Variants in BRAF observed in about 807,000 individuals in gnomAD.
BRAF encodes the protein B-Raf proto-oncogene, serine/threonine kinase, also known as serine/threonine-protein kinase B-raf.
Under a neutral mutation model 104.6 loss-of-function variants are expected in BRAF, and 16 were observed. That is an observed-to-expected ratio of 0.15 (90% CI 0.10 to 0.23). The LOEUF (loss-of-function observed/expected upper bound fraction) is 0.23, where lower values mean the gene tolerates loss of function less well. Ranked by LOEUF, BRAF falls within the 10% of genes least tolerant of loss-of-function variation. BRAF has a pLI of 1.00. For synonymous variants in BRAF, 310 were observed against 341.6 expected (o/e 0.91, Z 1.02); for missense variants, 541 against 937.3 (o/e 0.58, Z 5.52).
At chr7:140,870,692 T>C (rs1429294128) in intron 1 of BRAF, among the ~76,000 whole-genome samples, 7 of 151,632 alleles carry the variant, frequency 4.6e-5, no homozygotes, top group Admixed American at 4.6e-4. Flanking sequence ...TTTAGTTTCC[T>C]GAACACTAAA....
chr7:140,874,532 T>TAAAAA (rs71659759), intron 1 of BRAF, among the ~76,000 whole-genome samples: 1 of 80,922 alleles, frequency 1.2e-5, no homozygotes, highest in Non-Finnish European at 2.9e-5. Context: ...AGAAAAAAAG[T>TAAAAA]AAAAAAAAAA....
intron 1 of BRAF, among the ~76,000 whole-genome samples, chr7:140,879,924 G>A (rs978386881): frequency 3.3e-5 from 5 of 151,982 alleles, no homozygotes; most frequent in African/African-American, 1.2e-4. Context: ...TAGAGATGGG[G>A]TTTCACCATG....
rs141976124 is a variant in BRAF at position 140,886,616 on chromosome 7, C to A, written c.139-36404G>T. Among the ~76,000 whole-genome samples, 46 of 152,288 alleles carry A rather than the reference C, an allele frequency of 3.0e-4. No individual in the cohort carries two copies. In the East Asian group the frequency reaches 8.7e-3, roughly 29 times the overall value. Reference sequence around the variant, plus strand: ...TTGCCTAGCACTTTTCTAAACTAAGCACAGCTTCTTCAGATAGTTTAAATC... The same window carrying A: ...TTGCCTAGCACTTTTCTAAACTAAGAACAGCTTCTTCAGATAGTTTAAATC... On this transcript the variant is annotated intron_variant, in intron 1 of 19. Coordinates refer to ENST00000644969, the MANE Select transcript of BRAF (RefSeq NM_001374258.1).
intron 14 of BRAF, among the ~76,000 whole-genome samples, chr7:140,760,623 T>C (rs550991165): frequency 2.6e-5 from 4 of 151,904 alleles, no homozygotes; most frequent in Non-Finnish European, 5.9e-5. Flanking sequence ...CCCAAAAGTT[T>C]TTTTTAATGA....
intron 17 of BRAF, chr7:140,740,191 T>G: frequency 2.1e-6 from 1 of 481,156 alleles, no homozygotes; most frequent in Non-Finnish European, 3.8e-6. Context: ...CTCCCCTGCT[T>G]TTGGTCTCTC....
At chr7:140,799,829 A>G (rs1219588192) in intron 7 of BRAF, 1 of 245,528 alleles carries the variant, frequency 4.1e-6, no homozygotes, top group Non-Finnish European at 8.0e-6. Flanking sequence ...CTCACATATC[A>G]ATGCTTCTTC....
chr7:140,813,518 A>C (rs1290111872), intron 3 of BRAF, among the ~76,000 whole-genome samples: 1 of 152,190 alleles, frequency 6.6e-6, no homozygotes, highest in East Asian at 1.9e-4. Context: ...CTGGGAATCT[A>C]TCTCACAGAT....
intron 1 of BRAF, among the ~76,000 whole-genome samples, chr7:140,887,883 T>A (rs972016389): frequency 6.6e-6 from 1 of 150,606 alleles, no homozygotes; most frequent in Admixed American, 6.6e-5. Flanking sequence ...TCGTTTAATT[T>A]TTTTTTTTTT....
At chr7:140,803,803 G>T (rs905719864) in intron 5 of BRAF, among the ~76,000 whole-genome samples, 1 of 152,144 alleles carries the variant, frequency 6.6e-6, no homozygotes, top group Non-Finnish European at 1.5e-5. Context: ...ATAATAATAA[G>T]AAAATATAAG....
intron 12 of BRAF, chr7:140,779,994 A>G (rs1800707863): frequency 6.6e-6 from 1 of 152,200 alleles, no homozygotes; most frequent in South Asian, 2.1e-4. Context: ...GTATATTTTA[A>G]TAAGTTAAAT....
Position 140,731,393 on chromosome 7 carries a change from A to G in BRAF, c.2401+3224T>C, listed in dbSNP as rs1795951461. On this transcript the variant is annotated intron_variant, in intron 19 of 19. Coordinates refer to ENST00000644969, the MANE Select transcript of BRAF (RefSeq NM_001374258.1). ...TTAAATTCTTTGAGAAAACAGTCAC[A>G]GGAAAGATGAAATATTTAGTAAAGT... 3 of 152,396 alleles carry G rather than the reference A, an allele frequency of 2.0e-5. No individual in the cohort carries two copies. In the South Asian group the frequency reaches 6.2e-4, roughly 32 times the overall value. 9.4% of individuals were successfully genotyped at this position (152,396 alleles called of 1,614,324 possible). A position where few individuals can be genotyped will look rare whatever the true frequency, so the allele number is the denominator to read the frequency against.
At chr7:140,923,467 A>C (rs1183683823) in intron 1 of BRAF, among the ~76,000 whole-genome samples, 2 of 152,224 alleles carry the variant, frequency 1.3e-5, no homozygotes, top group Non-Finnish European at 2.9e-5. Context: ...CTAATGCAAA[A>C]ACAGGCTGAG....
intron 1 of BRAF, among the ~76,000 whole-genome samples, chr7:140,923,517 A>G (rs1818479340): frequency 1.3e-5 from 2 of 152,246 alleles, no homozygotes. Context: ...AAGGAAAAAA[A>G]TAGGACAAAA....
chr7:140,786,129 T>C (rs1421595806), intron 9 of BRAF, among the ~76,000 whole-genome samples: 1 of 151,960 alleles, frequency 6.6e-6, no homozygotes, highest in East Asian at 1.9e-4. Flanking sequence ...TATTAAGACA[T>C]ACGAAAGTCA....
At position 140,737,122 on chromosome 7, in the gene BRAF, T is replaced by C. The variant is rs1230862036; in HGVS notation, c.2248-2352A>G. On this transcript the variant is annotated intron_variant, in intron 18 of 19. Coordinates refer to ENST00000644969, the MANE Select transcript of BRAF (RefSeq NM_001374258.1). Reference sequence around the variant, plus strand: ...TTTCTTTTTCTCTCACCAATATCCATGTCATCAATACAAAACTAACTTAAT... The same window carrying C: ...TTTCTTTTTCTCTCACCAATATCCACGTCATCAATACAAAACTAACTTAAT... Among the ~76,000 whole-genome samples the C allele has an allele frequency of 2.0e-5, 3 of 152,308 alleles. No individual in the cohort carries two copies. In the East Asian group the frequency reaches 5.8e-4, roughly 29 times the overall value.
At chr7:140,752,665 T>G (rs188986443) in intron 16 of BRAF, among the ~76,000 whole-genome samples, 2 of 152,296 alleles carry the variant, frequency 1.3e-5, no homozygotes, top group African/African-American at 4.8e-5. Context: ...AGGCTGTTAA[T>G]CTACCTCTCA....
intron 1 of BRAF, among the ~76,000 whole-genome samples, chr7:140,872,393 G>C (rs1811713702): frequency 6.6e-6 from 1 of 151,766 alleles, no homozygotes; most frequent in Non-Finnish European, 1.5e-5. Context: ...TAAATTATGA[G>C]AGTAAAGTTA....
chr7:140,717,226 C>T (rs753889686), downstream of BRAF, among the ~76,000 whole-genome samples: 2 of 152,054 alleles, frequency 1.3e-5, no homozygotes, highest in East Asian at 1.9e-4. Context: ...ATAAGCCTAG[C>T]GAGTCATATC....
chr7:140,810,130 T>C (rs1018187614), intron 3 of BRAF, among the ~76,000 whole-genome samples: 2 of 152,076 alleles, frequency 1.3e-5, no homozygotes, highest in East Asian at 1.9e-4. Context: ...GGAATATTTA[T>C]GCTAGAGGGG....
Sources: allele counts gnomAD v4.1 joint callset (sites outside exome capture counted in the v4.1 genomes callset), GRCh38; gene constraint gnomAD v4.1.1; transcripts MANE v1.5; gene names NCBI Gene and HGNC (gene_info 2026-07-23, HGNC 2026-07-21).